RTL9: variants seen among roughly 807,000 people sequenced by gnomAD.
RTL9 encodes the protein retrotransposon Gag like 9.
In RTL9, 19 loss-of-function variants were observed where a neutral mutation model predicts 44.7. That is an observed-to-expected ratio of 0.42 (90% confidence interval 0.30 to 0.62). The LOEUF is 0.62. Ranked by LOEUF, RTL9 falls within the 20% of genes least tolerant of loss-of-function variation. The pLI, the probability that RTL9 is intolerant of heterozygous loss-of-function variation, is 0.16. For missense variants in RTL9, 1,105 were observed against 1,080.6 expected (o/e 1.02, Z -0.32); for synonymous variants, 407 against 398.9 (o/e 1.02, Z -0.24).
intron 1 of RTL9, among the ~76,000 whole-genome samples, chrX:110,368,911 C>G (rs932695335): frequency 1.8e-5 from 2 of 111,915 alleles, no homozygotes; most frequent in Non-Finnish European, 3.8e-5. Flanking sequence ...GCAGCAATCC[C>G]CCACCCAGTG....
chrX:110,421,731 A>T (rs1211738902), intron 1 of RTL9, among the ~76,000 whole-genome samples: 2 of 112,734 alleles, frequency 1.8e-5, no homozygotes, highest in African/African-American at 6.5e-5. Flanking sequence ...TTATGGCATA[A>T]GGCCATTAAA....
chrX:110,386,960 G>T (rs907439325), intron 1 of RTL9, among the ~76,000 whole-genome samples: 1 of 112,258 alleles, frequency 8.9e-6, no homozygotes, highest in Non-Finnish European at 1.9e-5. Flanking sequence ...ATGCCACAGA[G>T]CACTATATGA....
chrX:110,377,925 C>G (rs910079078), intron 1 of RTL9, among the ~76,000 whole-genome samples: 3 of 99,756 alleles, frequency 3.0e-5, no homozygotes, highest in Middle Eastern at 5.2e-3. Flanking sequence ...AGGAGAATGG[C>G]GTGAACCCGG....
intron 1 of RTL9, among the ~76,000 whole-genome samples, chrX:110,360,775 G>A (rs866268557): frequency 3.6e-5 from 4 of 111,195 alleles, no homozygotes; most frequent in Non-Finnish European, 5.7e-5. Context: ...TAAAAGCCAA[G>A]TAAGACAAGG....
intron 1 of RTL9, among the ~76,000 whole-genome samples, chrX:110,432,878 A>G (rs1318582713): frequency 8.9e-6 from 1 of 112,802 alleles, no homozygotes; most frequent in Non-Finnish European, 1.9e-5. Flanking sequence ...CTGCCATGTC[A>G]TGCATCCTCA....
exon 1 of RTL9, chrX:110,453,014 A>G: frequency 8.3e-7 from 1 of 1,211,033 alleles, no homozygotes; most frequent in Non-Finnish European, 1.1e-6. Context: ...CACTAATGAG[A>G]GCTCCAGCTT....
chrX:110,423,049 C>T (rs1455823113), intron 1 of RTL9, among the ~76,000 whole-genome samples: 1 of 111,994 alleles, frequency 8.9e-6, no homozygotes, highest in Non-Finnish European at 1.9e-5. Flanking sequence ...CAGAGGAGGC[C>T]GGGCGCGGTG....
intron 1 of RTL9, among the ~76,000 whole-genome samples, chrX:110,420,211 T>C (rs1247223638): frequency 8.9e-6 from 1 of 112,172 alleles, no homozygotes; most frequent in Non-Finnish European, 1.9e-5. Flanking sequence ...TACTTGTCTG[T>C]CCTTCCTACT....
intron 1 of RTL9, among the ~76,000 whole-genome samples, chrX:110,398,903 C>T (rs184081680): frequency 8.9e-5 from 10 of 112,049 alleles, no homozygotes; most frequent in Non-Finnish European, 1.3e-4. Context: ...TTTGGAATTC[C>T]GTGCTGAGAA....
chrX:110,388,073 T>A (rs896114341), intron 1 of RTL9, among the ~76,000 whole-genome samples: 29 of 110,593 alleles, frequency 2.6e-4, no homozygotes, highest in Non-Finnish European at 3.0e-4. Flanking sequence ...TTCATCATGT[T>A]AGCCAGGATG....
At chrX:110,403,412 C>T (rs185052077) in intron 1 of RTL9, among the ~76,000 whole-genome samples, 12 of 112,341 alleles carry the variant, frequency 1.1e-4, no homozygotes, top group African/African-American at 3.9e-4. Context: ...CAGCAAGGAG[C>T]TTCCTCCTGC....
intron 1 of RTL9, among the ~76,000 whole-genome samples, chrX:110,430,369 A>G (rs1197043677): frequency 8.9e-6 from 1 of 112,554 alleles, no homozygotes; most frequent in Non-Finnish European, 1.9e-5. Context: ...CTTTGTGTGT[A>G]TTAACTCATT....
chrX:110,423,024 C>T (rs766705083), intron 1 of RTL9, among the ~76,000 whole-genome samples: 4 of 111,994 alleles, frequency 3.6e-5, no homozygotes, highest in Admixed American at 2.8e-4. Flanking sequence ...GTACCCTTCA[C>T]GCTCATAAAG....
chrX:110,366,047 A>G (rs1307828089), intron 1 of RTL9, among the ~76,000 whole-genome samples: 1 of 111,791 alleles, frequency 8.9e-6, no homozygotes, highest in Non-Finnish European at 1.9e-5. Flanking sequence ...CAGCTGCAGA[A>G]TAGAGAGATG....
upstream of RTL9, among the ~76,000 whole-genome samples, chrX:110,446,336 T>A (rs1002973661): frequency 1.8e-4 from 20 of 110,694 alleles, no homozygotes; most frequent in African/African-American, 5.6e-4. Flanking sequence ...AAATTATTTT[T>A]AAAAACAAAC....
upstream of RTL9, chrX:110,450,527 A>C (rs1603021613): frequency 1.3e-6 from 1 of 782,024 alleles, no homozygotes; most frequent in Admixed American, 2.8e-5. Context: ...AATCTTCTTG[A>C]TACTGGCTTT....
At chrX:110,379,012 C>T (rs1438270327) in intron 1 of RTL9, among the ~76,000 whole-genome samples, 2 of 112,072 alleles carry the variant, frequency 1.8e-5, no homozygotes, top group South Asian at 3.8e-4. Flanking sequence ...CTCCATGGGG[C>T]CTGCTCACTC....
intron 1 of RTL9, among the ~76,000 whole-genome samples, chrX:110,405,101 C>A (rs917881384): frequency 3.1e-5 from 3 of 96,205 alleles, no homozygotes; most frequent in African/African-American, 8.2e-5. Context: ...CCCCCCCCCC[C>A]AAGCATGAGT....
exon 1 of RTL9, chrX:110,451,433 A>C: frequency 8.3e-7 from 1 of 1,211,735 alleles, no homozygotes; most frequent in Non-Finnish European, 1.1e-6. Context: ...CCTCACTGAT[A>C]ATGTCAGCTG....
Sources: gnomAD v4.1 joint callset for allele counts (sites outside exome capture counted in the v4.1 genomes callset) on GRCh38, gnomAD v4.1.1 for gene constraint, MANE v1.5 for transcripts, NCBI Gene and HGNC (gene_info 2026-07-23, HGNC 2026-07-21) for gene names.